The following SLC15A2 variants were observed in gnomAD, a reference collection of about 807,000 sequenced individuals.
SLC15A2 encodes solute carrier family 15 member 2.
Under a neutral mutation model 95.5 loss-of-function variants are expected in SLC15A2, and 77 were observed. The observed-to-expected ratio is 0.81, with a 90% CI of 0.67 to 0.97. The LOEUF is 0.97. Ranked by LOEUF, SLC15A2 falls within the 50% of genes least tolerant of loss-of-function variation. The pLI is 0.00. For synonymous variants in SLC15A2, 306 were observed against 306.9 expected, an observed-to-expected ratio of 1.00 and a Z score of 0.03; for missense variants, 893 against 874.4, an observed-to-expected ratio of 1.02 and a Z score of -0.27.
rs772536519 is a variant in SLC15A2 at position 121,922,267 on chromosome 3, G to A, written c.745G>A (p.Gly249Arg). The part of the protein sequence containing the change: ...SKIYNKPPPE[G>R]NIVAQVFKCI... ...AATATACAATAAACCACCCCCTGAA[G>A]GAAACATAGTGGCTCAAGTTTTCAA... is the stretch of plus-strand genomic sequence containing the variant. The change falls in exon 8 of 22, where the codon GGA (glycine) becomes AGA (arginine). Residue 249 changes from glycine to arginine, a missense_variant. Gly to Arg is a moderately radical substitution (Grantham distance 125). Coordinates refer to ENST00000489711, the MANE Select transcript of SLC15A2 (RefSeq NM_021082.4). The A allele has an allele frequency of 3.7e-6, 6 of 1,613,838 alleles. No homozygotes were observed. The highest frequency in any genetic ancestry group is 1.1e-5 in the South Asian group (1 of 91,042).
chr3:121,907,230 T>C (rs949710400), intron 3 of SLC15A2, among the ~76,000 whole-genome samples: 1 of 152,262 alleles, frequency 6.6e-6, no homozygotes, highest in Non-Finnish European at 1.5e-5. Flanking sequence ...CTGCAGTGTT[T>C]ATTCTAGTTA....
At chr3:121,918,141 A>G (rs1559846986) in intron 7 of SLC15A2, among the ~76,000 whole-genome samples, 1 of 152,212 alleles carries the variant, frequency 6.6e-6, no homozygotes, top group Non-Finnish European at 1.5e-5. Context: ...TGATTACCGA[A>G]TTTTTTGATA....
In SLC15A2 at chr3:121,911,652, A is replaced by T. The variant is rs540890984; in HGVS notation, c.414A>T (p.Gly138=). ...TGGGTGCCTTACCAATACTGGGAGG[A>T]CAAGTGGTACACACGTGAGTAAAAT... ...KSLGALPILG[G]QVVHTVLSLI... Residue 138 remains glycine (G), a synonymous_variant, in exon 4 of 22, where the codon GGA becomes GGT. Transcript: ENST00000489711. 2.5e-6 allele frequency: 4 copies of T among 1,608,774 alleles called. No homozygotes were observed. In the Admixed American group the frequency reaches 6.7e-5, roughly 27 times the overall value.
chr3:121,937,090 GC>G (rs1337476571), intron 19 of SLC15A2, among the ~76,000 whole-genome samples: 1 of 128,642 alleles, frequency 7.8e-6, no homozygotes, highest in Non-Finnish European at 1.6e-5. Flanking sequence ...TTGAATATTG[GC>G]CCCCACTCTC....
At chr3:121,915,591 C>T (rs750017386) in intron 6 of SLC15A2, 25 bp from the exon 7 acceptor site, 4 of 1,561,424 alleles carry the variant, frequency 2.6e-6, no homozygotes, top group African/African-American at 1.4e-5. Context: ...GAGTTACTTT[C>T]CTCCTCCCAT....
intron 12 of SLC15A2, 49 bp from the exon 13 acceptor site, chr3:121,924,896 C>T (rs1193754854): frequency 1.5e-6 from 2 of 1,333,764 alleles, no homozygotes; most frequent in Non-Finnish European, 2.2e-6. Flanking sequence ...TGCTCACACT[C>T]ATGATAGGAG....
intron 12 of SLC15A2, 133 bp from the exon 13 acceptor site, chr3:121,924,812 G>A: frequency 1.4e-6 from 1 of 718,024 alleles, no homozygotes; most frequent in Non-Finnish European, 2.5e-6. Flanking sequence ...GAGGAATGTG[G>A]AGTCATTCTG....
intron 7 of SLC15A2, among the ~76,000 whole-genome samples, chr3:121,916,965 C>T (rs145507851): frequency 0.025 from 3,745 of 152,062 alleles, 103 homozygotes; most frequent in Non-Finnish European, 0.032. Context: ...GGACTACAGG[C>T]GCCCACCACC....
chr3:121,907,767 G>A (rs370208814), intron 3 of SLC15A2, among the ~76,000 whole-genome samples: 26 of 152,288 alleles, frequency 1.7e-4, no homozygotes, highest in African/African-American at 4.3e-4. Flanking sequence ...AGGGACACCC[G>A]CCTGTAATGA....
At chr3:121,939,264 T>G in intron 19 of SLC15A2, 85 bp from the exon 20 acceptor site, 7 of 1,070,400 alleles carry the variant, frequency 6.5e-6, no homozygotes, top group Non-Finnish European at 8.9e-6. Context: ...ACAAAAAGGA[T>G]GGATATAAGA....
chr3:121,924,072 A>G (rs1315717540), intron 11 of SLC15A2, among the ~76,000 whole-genome samples: 1 of 152,168 alleles, frequency 6.6e-6, no homozygotes, highest in Non-Finnish European at 1.5e-5. Flanking sequence ...ATAAAAATGC[A>G]CTGACTCTAT....
intron 19 of SLC15A2, among the ~76,000 whole-genome samples, chr3:121,937,585 G>C (rs1286455090): frequency 1.3e-5 from 2 of 150,908 alleles, no homozygotes; most frequent in Non-Finnish European, 3.0e-5. Context: ...CATTCTTCAC[G>C]TAGTTCTCGA....
chr3:121,910,336 A>G (rs1709739844), intron 3 of SLC15A2, among the ~76,000 whole-genome samples: 1 of 151,748 alleles, frequency 6.6e-6, no homozygotes, highest in South Asian at 2.1e-4. Context: ...AGCTGGGATT[A>G]TAGGTGCATG....
chr3:121,940,286 T>G (rs761419599), intron 20 of SLC15A2, 98 bp from the exon 21 acceptor site: 26 of 798,326 alleles, frequency 3.3e-5, no homozygotes, highest in Non-Finnish European at 4.9e-5. Context: ...TAAGAGAAGT[T>G]CTAACTTGGA....
chr3:121,918,810 C>T (rs918739608), intron 7 of SLC15A2, among the ~76,000 whole-genome samples: 2 of 152,116 alleles, frequency 1.3e-5, no homozygotes, highest in Non-Finnish European at 2.9e-5. Flanking sequence ...GTCACTGATA[C>T]GATTAGATCA....
In SLC15A2 at chr3:121,925,019, T is replaced by C; in HGVS notation, c.1110T>C (p.Cys370=). The C allele has an allele frequency of 6.2e-7, 1 of 1,610,896 alleles. No homozygotes were observed. Among genetic ancestry groups the C allele is most frequent in the East Asian group, 2.2e-5 (1 of 44,842 alleles). ...TCATTTATCGTCTGGTCTCCAAGTGTGGAATTAACTTCTCGTAAGTGTTCA... is the reference window on the plus strand; with the variant it reads ...TCATTTATCGTCTGGTCTCCAAGTGCGGAATTAACTTCTCGTAAGTGTTCA... The part of the protein sequence containing the change: ...DFVIYRLVSK[C]GINFSSLRKM... The change falls in exon 13 of 22, where the codon TGT becomes TGC. Residue 370 remains cysteine, a synonymous_variant. Coordinates refer to ENST00000489711, the MANE Select transcript of SLC15A2 (RefSeq NM_021082.4).
chr3:121,922,326 G>A (rs1239640239), intron 8 of SLC15A2, 24 bp downstream of exon 8: 1 of 1,594,050 alleles, frequency 6.3e-7, no homozygotes, highest in Non-Finnish European at 8.6e-7. Context: ...TTGTTTTCTT[G>A]CCTTTTTCAA....
At chr3:121,919,194 C>T (rs1465055609) in intron 7 of SLC15A2, among the ~76,000 whole-genome samples, 1 of 152,214 alleles carries the variant, frequency 6.6e-6, no homozygotes, top group Non-Finnish European at 1.5e-5. Context: ...ACAACTCTCT[C>T]CTGTAGTCTA....
intron 7 of SLC15A2, among the ~76,000 whole-genome samples, chr3:121,919,737 A>G (rs144730910): frequency 3.2e-4 from 49 of 152,316 alleles, no homozygotes; most frequent in African/African-American, 8.9e-4. Flanking sequence ...TGTCACTATC[A>G]GTAAGAAAGT....
Sources: gnomAD v4.1 joint callset for allele counts (sites outside exome capture counted in the v4.1 genomes callset) on GRCh38, gnomAD v4.1.1 for gene constraint, MANE v1.5 for transcripts, NCBI Gene and HGNC (gene_info 2026-07-23, HGNC 2026-07-21) for gene names.